Variants in TENM3 observed in about 807,000 individuals in gnomAD.
TENM3 encodes the protein teneurin transmembrane protein 3, also known as teneurin-3.
A neutral mutation model predicts 255.1 loss-of-function variants in TENM3; 63 were observed. The ratio of observed to expected loss-of-function variants is 0.25; its 90% CI spans 0.20 to 0.30. TENM3 has a LOEUF of 0.30. Among genes scored for constraint, TENM3 ranks in the 10% least tolerant of loss-of-function variants. TENM3 has a pLI of 1.00. For synonymous variants in TENM3, 1,306 were observed against 1,322.3 expected, an observed-to-expected ratio of 0.99 and a Z score of 0.27; for missense variants, 2,929 against 3,461.1, an observed-to-expected ratio of 0.85 and a Z score of 3.86.
chr4:181,949,135 G>T, the TENM3 span, among the ~76,000 whole-genome samples: 2 of 152,102 alleles, frequency 1.3e-5, no homozygotes, highest in Non-Finnish European at 2.9e-5. Flanking sequence ...TCATGTAAAA[G>T]ACATTTATGT....
chr4:182,371,845 A>G (rs1264717650), intron 3 of TENM3, among the ~76,000 whole-genome samples: 1 of 152,226 alleles, frequency 6.6e-6, no homozygotes, highest in East Asian at 1.9e-4. Context: ...AGCAATAAAT[A>G]TCTATTTGAA....
the TENM3 span, among the ~76,000 whole-genome samples, chr4:181,787,958 A>G: frequency 4.3e-4 from 65 of 152,286 alleles, 2 homozygotes; most frequent in Middle Eastern, 3.4e-3. Context: ...TTGCACCACT[A>G]TACTCCACAG....
At chr4:181,799,673 G>A in the TENM3 span, among the ~76,000 whole-genome samples, 10 of 152,112 alleles carry the variant, frequency 6.6e-5, no homozygotes, top group African/African-American at 1.9e-4. Context: ...AGAGGCTAGC[G>A]CATTAAGACA....
chr4:181,809,507 C>T, the TENM3 span, among the ~76,000 whole-genome samples: 6 of 152,238 alleles, frequency 3.9e-5, no homozygotes, highest in Admixed American at 6.5e-5. Context: ...GACCTACTTA[C>T]GGAGTTGGAC....
the TENM3 span, among the ~76,000 whole-genome samples, chr4:181,722,102 A>C: frequency 6.6e-6 from 1 of 152,252 alleles, no homozygotes; most frequent in East Asian, 1.9e-4. Context: ...AAAGAAGATC[A>C]TGAAATACCT....
chr4:182,358,092 C>T (rs1765692608), intron 3 of TENM3, among the ~76,000 whole-genome samples: 1 of 151,768 alleles, frequency 6.6e-6, no homozygotes, highest in Non-Finnish European at 1.5e-5. Context: ...TGTTTTGGTA[C>T]CAGTACCATG....
chr4:182,380,508 G>T (rs964571380), intron 3 of TENM3, among the ~76,000 whole-genome samples: 7 of 152,136 alleles, frequency 4.6e-5, no homozygotes, highest in African/African-American at 1.7e-4. Context: ...TTGTGCATTT[G>T]GATTGAATTA....
chr4:181,758,259 C>T, the TENM3 span, among the ~76,000 whole-genome samples: 1 of 152,174 alleles, frequency 6.6e-6, no homozygotes, highest in African/African-American at 2.4e-5. Flanking sequence ...ACAGAAGGCC[C>T]AGCAGAAGCA....
At chr4:181,617,527 A>T in the TENM3 span, among the ~76,000 whole-genome samples, 2 of 152,156 alleles carry the variant, frequency 1.3e-5, no homozygotes, top group African/African-American at 4.8e-5. Context: ...CCATGGTGGG[A>T]AAGTCCGGTG....
intron 6 of TENM3, among the ~76,000 whole-genome samples, chr4:182,664,394 C>A (rs541534480): frequency 1.3e-5 from 2 of 152,264 alleles, no homozygotes; most frequent in Middle Eastern, 6.8e-3. Context: ...TCTGACTGCT[C>A]CGTGACCAGC....
At chr4:182,575,331 A>T (rs1318981582) in intron 3 of TENM3, among the ~76,000 whole-genome samples, 1 of 152,152 alleles carries the variant, frequency 6.6e-6, no homozygotes, top group Non-Finnish European at 1.5e-5. Flanking sequence ...GGGTTGGTAA[A>T]CTTTTTCTTA....
At chr4:182,203,212 C>T (rs1454753816) in intron 1 of TENM3, among the ~76,000 whole-genome samples, 1 of 149,200 alleles carries the variant, frequency 6.7e-6, no homozygotes, top group African/African-American at 2.5e-5. Context: ...GGTGAAACTC[C>T]ATCTCAAAAA....
rs577427561 is a variant in TENM3 at position 182,155,687 on chromosome 4, G to T, written c.-76+10933G>T. 6.6e-5 allele frequency among the ~76,000 whole-genome samples: 10 copies of T among 151,954 alleles called. 1 individual carries two copies. Among genetic ancestry groups the T allele is most frequent in the Non-Finnish European group, 1.2e-4 (8 of 67,958 alleles). ...CAATTATTTTATGAGATTTTTAGAA[G>T]AATAATAATTTAAATAAGACCTTCA... On this transcript the variant is annotated intron_variant, in intron 1 of 2. Transcript: ENST00000512480.
intron 3 of TENM3, among the ~76,000 whole-genome samples, chr4:182,484,270 G>A (rs1734486922): frequency 6.6e-6 from 1 of 152,146 alleles, no homozygotes; most frequent in Non-Finnish European, 1.5e-5. Context: ...AAGAGATGAA[G>A]TAACTGGCCT....
At chr4:181,611,877 T>C in the TENM3 span, among the ~76,000 whole-genome samples, 4 of 152,254 alleles carry the variant, frequency 2.6e-5, no homozygotes, top group Non-Finnish European at 5.9e-5. Context: ...TGGAATTCAC[T>C]TTAAATTCTG....
intron 5 of TENM3, among the ~76,000 whole-genome samples, chr4:182,636,211 C>G (rs1751828015): frequency 6.6e-6 from 1 of 151,930 alleles, no homozygotes. Context: ...AATGTGTTGC[C>G]TATATTTTAG....
chr4:182,026,791 G>T, the TENM3 span, among the ~76,000 whole-genome samples: 1 of 152,132 alleles, frequency 6.6e-6, no homozygotes, highest in South Asian at 2.1e-4. Context: ...TTTGTTTCTG[G>T]GTTCTTTACT....
chr4:181,511,817 G>A, the TENM3 span, among the ~76,000 whole-genome samples: 9 of 152,098 alleles, frequency 5.9e-5, no homozygotes, highest in East Asian at 1.9e-4. Flanking sequence ...AAATGCCAGC[G>A]GGGTGTATCC....
intron 1 of TENM3, among the ~76,000 whole-genome samples, chr4:182,180,024 G>A (rs1752746553): frequency 6.6e-6 from 1 of 151,772 alleles, no homozygotes; most frequent in Non-Finnish European, 1.5e-5. Flanking sequence ...CCTGCTTTAT[G>A]TACTTACTTA....
Sources: allele counts gnomAD v4.1 joint callset (sites outside exome capture counted in the v4.1 genomes callset), GRCh38; gene constraint gnomAD v4.1.1; transcripts MANE v1.5; gene names NCBI Gene and HGNC (gene_info 2026-07-23, HGNC 2026-07-21).